Variants in ZNF829 observed in about 807,000 individuals in gnomAD.
The protein encoded by ZNF829 is zinc finger protein 829.
In ZNF829, 25 loss-of-function variants were observed where a neutral mutation model predicts 35.2. The observed-to-expected ratio is 0.71, with a 90% CI of 0.52 to 0.99. The LOEUF (loss-of-function observed/expected upper bound fraction) is 0.99, where lower values mean the gene tolerates loss of function less well. Among genes scored for constraint, ZNF829 ranks in the 50% least tolerant of loss-of-function variants. The pLI is 0.00. For missense variants in ZNF829, 417 were observed against 515.3 expected (o/e 0.81, Z 1.85); for synonymous variants, 136 against 163.2 (o/e 0.83, Z 1.27).
At chr19:36,895,999 T>C (rs1231240870) in intron 5 of ZNF829, among the ~76,000 whole-genome samples, 2 of 152,018 alleles carry the variant, frequency 1.3e-5, no homozygotes, top group Non-Finnish European at 2.9e-5. Flanking sequence ...AAACCCTGTC[T>C]CTACTAAAAA....
chr19:36,915,478 A>C (rs746018458), intron 1 of ZNF829, among the ~76,000 whole-genome samples: 1 of 152,054 alleles, frequency 6.6e-6, no homozygotes, highest in Non-Finnish European at 1.5e-5. Flanking sequence ...CAGAGTCACA[A>C]TCACACATCA....
rs188953410 is a variant in ZNF829 at position 36,910,115 on chromosome 19, G to A, written c.97-1656C>T. Among the ~76,000 whole-genome samples the A allele has an allele frequency of 3.2e-3, 482 of 149,102 alleles. 3 individuals carry two copies. The highest frequency in any genetic ancestry group is 0.011 in the African/African-American group (462 of 40,466). ...TTTTTTTTTTTTGAGACGGAGTTTCGCTCTTGTTGCCCAGGTTGGAGTGCA... is the reference window on the plus strand; with the variant it reads ...TTTTTTTTTTTTGAGACGGAGTTTCACTCTTGTTGCCCAGGTTGGAGTGCA... On this transcript the variant is annotated intron_variant, in intron 3 of 5. Coordinates refer to ENST00000391711, the MANE Select transcript of ZNF829 (RefSeq NM_001037232.4).
chr19:36,902,951 G>A (rs945877640), intron 5 of ZNF829, among the ~76,000 whole-genome samples: 4 of 152,052 alleles, frequency 2.6e-5, no homozygotes, highest in East Asian at 1.9e-4. Flanking sequence ...CAGGAGAATC[G>A]CTTGAACCCG....
At chr19:36,915,971 C>T (rs898118739) in intron 1 of ZNF829, 40 bp downstream of exon 1, 4 of 1,524,846 alleles carry the variant, frequency 2.6e-6, no homozygotes, top group South Asian at 1.2e-5. Context: ...TGGGAACTTG[C>T]AGACCTGAGC....
intron 5 of ZNF829, chr19:36,901,980 T>G: frequency 2.7e-6 from 2 of 737,186 alleles, no homozygotes; most frequent in African/African-American, 1.7e-5. Flanking sequence ...ATAAGGAATG[T>G]CCCATAACGA....
rs867046079 is a variant in ZNF829, at chr19:36,890,344, A to G, written c.*1148T>C. ...TGATTTCTGTCCCAGTGATCTGTCT[A>G]GTGCTGTCAATGGAGTGGTGAAGTC... On this transcript the variant is annotated 3_prime_UTR_variant, in exon 6 of 6. Coordinates refer to ENST00000391711, the MANE Select transcript of ZNF829 (RefSeq NM_001037232.4). 1.4e-4 allele frequency: 22 copies of G among 152,258 alleles called. No homozygotes were observed. Among genetic ancestry groups the G allele is most frequent in the African/African-American group, 5.1e-4 (21 of 41,528 alleles). 9.4% of individuals were successfully genotyped at this position (152,258 alleles called of 1,614,324 possible).
At chr19:36,915,315 T>C in intron 1 of ZNF829, 64 bp from the exon 2 acceptor site, 1 of 1,522,096 alleles carries the variant, frequency 6.6e-7, no homozygotes, top group Non-Finnish European at 8.8e-7. Flanking sequence ...ATACACAGAA[T>C]GCCACATACA....
Position 36,915,042 on chromosome 19 carries a change from G to T in ZNF829, c.39-20C>A, listed in dbSNP as rs2073300491. ...TGACACCTGGAGAAAGGTAAAATTG[G>T]GAGAGGGAAGAGTAACTGTGAGACA... On this transcript the variant is annotated intron_variant, in intron 2 of 5. Coordinates refer to ENST00000391711, the MANE Select transcript of ZNF829 (RefSeq NM_001037232.4). 6.2e-7 allele frequency: 1 copy of T among 1,613,970 alleles called. No homozygotes were observed. The highest frequency in any genetic ancestry group is 8.5e-7 in the Non-Finnish European group (1 of 1,180,020).
chr19:36,903,262 C>T (rs987445787), intron 5 of ZNF829, among the ~76,000 whole-genome samples: 5 of 151,998 alleles, frequency 3.3e-5, no homozygotes, highest in African/African-American at 1.2e-4. Context: ...AATATGTATG[C>T]CTTGTTTTTT....
At chr19:36,892,791 A>T in intron 5 of ZNF829, 1 of 552,456 alleles carries the variant, frequency 1.8e-6, no homozygotes, top group Non-Finnish European at 2.8e-6. Context: ...AATTAAAAAA[A>T]AAAAATTTTT....
At chr19:36,898,512 A>G (rs1374397497) in intron 5 of ZNF829, among the ~76,000 whole-genome samples, 1 of 152,178 alleles carries the variant, frequency 6.6e-6, no homozygotes, top group Admixed American at 6.5e-5. Context: ...AGGAAAAAAA[A>G]TCCTAAAATT....
chr19:36,894,071 C>T (rs1292466464), intron 5 of ZNF829, among the ~76,000 whole-genome samples: 1 of 152,204 alleles, frequency 6.6e-6, no homozygotes, highest in Non-Finnish European at 1.5e-5. Context: ...CTCCCCTTTA[C>T]CTGGCATACC....
At chr19:36,892,688 A>G in intron 5 of ZNF829, 1 of 618,242 alleles carries the variant, frequency 1.6e-6, no homozygotes, top group Non-Finnish European at 2.7e-6. Flanking sequence ...GATGACCTCT[A>G]TGATCCTCAA....
chr19:36,895,855 A>G (rs1191626771), intron 5 of ZNF829, among the ~76,000 whole-genome samples: 2 of 152,092 alleles, frequency 1.3e-5, no homozygotes, highest in African/African-American at 4.8e-5. Flanking sequence ...ATATATAAGC[A>G]AATATTATTA....
chr19:36,892,264 C>A lies in ZNF829; in HGVS notation c.527G>T (p.Arg176Ile). The change falls in exon 6 of 6, where the codon AGA (arginine) becomes ATA (isoleucine). Residue 176 changes from arginine (R) to isoleucine (I), a missense_variant. Coordinates refer to ENST00000391711, the MANE Select transcript of ZNF829 (RefSeq NM_001037232.4). ...NQNSQFIQHQRIHFGEKHYES... is the reference protein window; with the variant it reads ...NQNSQFIQHQIIHFGEKHYES... ...ATAGTGTTTTTCACCAAAATGAATT[C>A]TCTGATGTTGGATAAATTGTGAGTT... is the stretch of plus-strand genomic sequence containing the variant. 6.2e-7 allele frequency: 1 copy of A among 1,613,946 alleles called. No individual in the cohort carries two copies. The highest frequency in any genetic ancestry group is 1.1e-5 in the South Asian group (1 of 91,078).
chr19:36,892,149 A>G lies in ZNF829; in HGVS notation c.642T>C (p.Cys214=). The G allele has an allele frequency of 6.2e-7, 1 of 1,614,092 alleles. No individual in the cohort carries two copies. The highest frequency in any genetic ancestry group is 8.5e-7 in the Non-Finnish European group (1 of 1,179,994). ...RIHTGKKPYE[C]KECGKAFSCS... ...AACTAAAAGCCTTGCCACATTCCTT[A>G]CATTCATAGGGTTTTTTACCAGTGT... Residue 214 remains cysteine (C), a synonymous_variant, in exon 6 of 6, where the codon TGT becomes TGC. Transcript: ENST00000391711.
Position 36,915,239 on chromosome 19 carries a change from T to C in ZNF829, c.-72A>G. 1 of 1,613,084 alleles carries C rather than the reference T, an allele frequency of 6.2e-7. No homozygotes were observed. Among genetic ancestry groups the C allele is most frequent in the Non-Finnish European group, 8.5e-7 (1 of 1,179,628 alleles). On this transcript the variant is annotated 5_prime_UTR_variant, in exon 2 of 6. Coordinates refer to ENST00000391711, the MANE Select transcript of ZNF829 (RefSeq NM_001037232.4). ...TCCAGGGTTGGAATCTGACCAGACC[T>C]CAGAGAGGTTTCCTAGAGACAGAGT...
rs778309424 is a variant in ZNF829 at position 36,914,965 on chromosome 19, C to T, written c.96G>A (p.Lys32=). 1 of 1,614,068 alleles carries T rather than the reference C, an allele frequency of 6.2e-7. No homozygotes were observed. Among genetic ancestry groups the T allele is most frequent in the Non-Finnish European group, 8.5e-7 (1 of 1,179,996 alleles). ...AGAAAAAGAGGAAACCCCAACACAC[C>T]TTGGATACTGCTTGTAGAAGTTCAT... ...MHDELLQAVS[K]GPVMFRDVSI... The change falls in exon 3 of 6, where the codon AAG becomes AAA. Residue 32 remains lysine (K), a splice_region_variant and synonymous_variant. Coordinates refer to ENST00000391711, the MANE Select transcript of ZNF829 (RefSeq NM_001037232.4).
intron 3 of ZNF829, chr19:36,913,054 C>T (rs73628744): frequency 1.3e-5 from 2 of 152,082 alleles, no homozygotes; most frequent in Admixed American, 6.6e-5. Context: ...TAGTTATTCC[C>T]GTTAATACTG....
Sources: allele counts gnomAD v4.1 joint callset (sites outside exome capture counted in the v4.1 genomes callset), GRCh38; gene constraint gnomAD v4.1.1; transcripts MANE v1.5; gene names NCBI Gene and HGNC (gene_info 2026-07-23, HGNC 2026-07-21).